Variants in PRKD1 observed in about 807,000 individuals in gnomAD.
The protein encoded by PRKD1 is protein kinase D1, also known as serine/threonine-protein kinase D1.
In PRKD1, 63 loss-of-function variants were observed where a neutral mutation model predicts 95.9. The ratio of observed to expected loss-of-function variants is 0.66; its 90% CI spans 0.54 to 0.81. The LOEUF is 0.81. Among genes scored for constraint, PRKD1 ranks in the 30% least tolerant of loss-of-function variants. PRKD1 has a pLI of 0.00. For synonymous variants in PRKD1, 425 were observed against 423.1 expected (o/e 1.00, Z -0.05); for missense variants, 1,048 against 1,165.3 (o/e 0.90, Z 1.47).
chr14:29,577,382 ATCACTT>A lies in PRKD1; in HGVS notation c.2589_2594del (p.Glu863_Ser864del). ...CTGCATACTTCTCCCACCTCAGGTCATCACTTTCATGGGTGATGTAGCGCTCCCCGA... is the reference window on the plus strand; with the variant it reads ...CTGCATACTTCTCCCACCTCAGGTCATCATGGGTGATGTAGCGCTCCCCGA... On this transcript the variant is annotated inframe_deletion, in exon 18 of 18. Coordinates refer to ENST00000331968, the MANE Select transcript of PRKD1 (RefSeq NM_002742.3). 6.2e-7 allele frequency: 1 copy of A among 1,613,834 alleles called. No individual in the cohort carries two copies. The highest frequency in any genetic ancestry group is 8.5e-7 in the Non-Finnish European group (1 of 1,179,824).
intron 2 of PRKD1, among the ~76,000 whole-genome samples, chr14:29,672,867 A>G (rs1882943838): frequency 6.6e-6 from 1 of 151,906 alleles, no homozygotes; most frequent in South Asian, 2.1e-4. Flanking sequence ...GAAAGTTAAC[A>G]TGTATTTACT....
At chr14:29,628,556 C>T (rs549989798) in intron 11 of PRKD1, among the ~76,000 whole-genome samples, 171 of 152,212 alleles carry the variant, frequency 1.1e-3, no homozygotes, top group Non-Finnish European at 2.1e-3. Flanking sequence ...CCGTAAGATT[C>T]GATTTATGCA....
chr14:29,717,733 G>C (rs1042869493), intron 2 of PRKD1, among the ~76,000 whole-genome samples: 5 of 152,040 alleles, frequency 3.3e-5, no homozygotes, highest in African/African-American at 1.2e-4. Context: ...AAAGTATACA[G>C]CATGAAGAAT....
At chr14:29,901,772 A>G (rs1214727235) in intron 1 of PRKD1, among the ~76,000 whole-genome samples, 1 of 152,070 alleles carries the variant, frequency 6.6e-6, no homozygotes, top group Non-Finnish European at 1.5e-5. Context: ...CTTTTCAAAA[A>G]TACTCACTCA....
At chr14:29,578,881 A>G (rs976429898) in intron 16 of PRKD1, among the ~76,000 whole-genome samples, 1 of 152,188 alleles carries the variant, frequency 6.6e-6, no homozygotes. Flanking sequence ...ATCTCATGAT[A>G]AACTTGGAGC....
intron 2 of PRKD1, among the ~76,000 whole-genome samples, chr14:29,688,936 G>A (rs1319062678): frequency 5.5e-5 from 6 of 110,006 alleles, no homozygotes; most frequent in Admixed American, 1.4e-4. Context: ...GTGATAGAGC[G>A]AGACTCCGTC....
intron 2 of PRKD1, among the ~76,000 whole-genome samples, chr14:29,703,669 T>TC (rs1208587426): frequency 1.3e-5 from 2 of 152,178 alleles, no homozygotes; most frequent in Non-Finnish European, 2.9e-5. Context: ...TATCTTTTTT[T>TC]CCCACCTCAT....
At chr14:29,637,731 T>A (rs1880477690) in intron 6 of PRKD1, among the ~76,000 whole-genome samples, 1 of 152,204 alleles carries the variant, frequency 6.6e-6, no homozygotes, top group Non-Finnish European at 1.5e-5. Flanking sequence ...GTACAGTATA[T>A]ATTTCTTCTA....
chr14:29,577,050 G>A lies in PRKD1; in HGVS notation c.*188C>T. 1 of 639,702 alleles carries A rather than the reference G, an allele frequency of 1.6e-6. No homozygotes were observed. The highest frequency in any genetic ancestry group is 2.9e-5 in the Admixed American group (1 of 34,324). 39.6% of individuals were successfully genotyped at this position (639,702 alleles called of 1,614,324 possible). A position where few individuals can be genotyped will look rare whatever the true frequency, so the allele number is the denominator to read the frequency against. Reference sequence around the variant, plus strand: ...GAACTTTTGTTAATACAACACAGTTGGTCACACAAAATACAAATGCTTCTG... The same window carrying A: ...GAACTTTTGTTAATACAACACAGTTAGTCACACAAAATACAAATGCTTCTG... On this transcript the variant is annotated 3_prime_UTR_variant, in exon 18 of 18. Transcript: ENST00000331968.
intron 13 of PRKD1, among the ~76,000 whole-genome samples, chr14:29,608,421 C>A (rs1190214501): frequency 6.6e-6 from 1 of 151,822 alleles, no homozygotes; most frequent in Non-Finnish European, 1.5e-5. Context: ...ACATAAAAGT[C>A]TTTTATTTTA....
At chr14:29,739,921 T>C (rs1451922051) in intron 1 of PRKD1, among the ~76,000 whole-genome samples, 2 of 152,190 alleles carry the variant, frequency 1.3e-5, no homozygotes, top group Non-Finnish European at 2.9e-5. Flanking sequence ...ATGCAGCAAT[T>C]TCTGTGTATA....
At chr14:29,595,108 A>G (rs979732266) in intron 16 of PRKD1, among the ~76,000 whole-genome samples, 3 of 151,984 alleles carry the variant, frequency 2.0e-5, no homozygotes, top group African/African-American at 7.3e-5. Context: ...TGAGGGTTCT[A>G]TCTCCCATCT....
Position 29,577,436 on chromosome 14 carries a change from A to G in PRKD1, c.2541T>C (p.Asp847=). 6.2e-7 allele frequency: 1 copy of G among 1,613,730 alleles called. No homozygotes were observed. Among genetic ancestry groups the G allele is most frequent in the East Asian group, 2.2e-5 (1 of 44,864 alleles). ...PWLQDYQTWL[D]LRELECKIGE... ...CGATTTTGCATTCCAGCTCTCGCAAATCTAACCAGGTCTGATAGTCCTGAA... is the reference window on the plus strand; with the variant it reads ...CGATTTTGCATTCCAGCTCTCGCAAGTCTAACCAGGTCTGATAGTCCTGAA... Residue 847 remains aspartate (D), a synonymous_variant, in exon 18 of 18, where the codon GAT becomes GAC. Coordinates refer to ENST00000331968, the MANE Select transcript of PRKD1 (RefSeq NM_002742.3).
intron 1 of PRKD1, among the ~76,000 whole-genome samples, chr14:29,844,323 T>C (rs1594571047): frequency 6.6e-6 from 1 of 152,274 alleles, no homozygotes; most frequent in Non-Finnish European, 1.5e-5. Context: ...AAATAGAACT[T>C]TTAGCATAAG....
chr14:29,768,223 T>C (rs1555342906), intron 1 of PRKD1, among the ~76,000 whole-genome samples: 1 of 152,162 alleles, frequency 6.6e-6, no homozygotes, highest in Non-Finnish European at 1.5e-5. Context: ...TTCCATCTAC[T>C]CTGTAGGACT....
intron 2 of PRKD1, among the ~76,000 whole-genome samples, chr14:29,696,268 G>A (rs1215724078): frequency 6.6e-6 from 1 of 152,056 alleles, no homozygotes; most frequent in Non-Finnish European, 1.5e-5. Flanking sequence ...ATGTGCATAT[G>A]TACTAAGTTT....
intron 1 of PRKD1, among the ~76,000 whole-genome samples, chr14:29,734,692 G>A (rs1437394857): frequency 6.6e-6 from 1 of 152,132 alleles, no homozygotes; most frequent in Admixed American, 6.5e-5. Context: ...ACCAACAACT[G>A]CTCTTTCTCC....
chr14:29,891,928 C>T (rs1261040368), intron 1 of PRKD1, among the ~76,000 whole-genome samples: 2 of 152,134 alleles, frequency 1.3e-5, no homozygotes, highest in Admixed American at 1.3e-4. Flanking sequence ...TTTCCCTACT[C>T]ACCTCTTAAA....
intron 13 of PRKD1, among the ~76,000 whole-genome samples, chr14:29,604,083 T>C (rs116804736): frequency 0.012 from 1,860 of 152,296 alleles, 38 homozygotes; most frequent in African/African-American, 0.043. Context: ...AATCAAAAGC[T>C]TTTATAAAAG....
Sources: allele counts gnomAD v4.1 joint callset (sites outside exome capture counted in the v4.1 genomes callset), GRCh38; gene constraint gnomAD v4.1.1; transcripts MANE v1.5; gene names NCBI Gene and HGNC (gene_info 2026-07-23, HGNC 2026-07-21).